Variants in ABL1 observed in about 807,000 individuals in gnomAD.
The protein encoded by ABL1 is tyrosine-protein kinase ABL1.
In ABL1, 11 loss-of-function variants were observed where a neutral mutation model predicts 94.7. The ratio of observed to expected loss-of-function variants is 0.12; its 90% confidence interval spans 0.07 to 0.19. The LOEUF is 0.19. Among genes scored for constraint, ABL1 ranks in the 10% least tolerant of loss-of-function variants. The pLI, the probability that ABL1 is intolerant of heterozygous loss-of-function variation, is 1.00. For missense variants in ABL1, 1,082 were observed against 1,489.4 expected (o/e 0.73, Z 4.50); for synonymous variants, 656 against 622.4 (o/e 1.05, Z -0.80).
upstream of ABL1, among the ~76,000 whole-genome samples, chr9:130,832,281 C>T (rs1008460451): frequency 2.0e-5 from 3 of 151,534 alleles, no homozygotes; most frequent in Non-Finnish European, 4.4e-5. Flanking sequence ...CGCTACCACG[C>T]CCAGCTAATT....
In ABL1 at chr9:130,884,523, A is replaced by G. The variant is rs1248912737; in HGVS notation, c.2233A>G (p.Arg745Gly). 6.2e-7 allele frequency: 1 copy of G among 1,613,240 alleles called. No individual in the cohort carries two copies. Among genetic ancestry groups the G allele is most frequent in the Admixed American group, 1.7e-5 (1 of 60,026 alleles). Residue 745 changes from arginine to glycine, a missense_variant, in exon 11 of 11, where the codon AGA (arginine) becomes GGA (glycine). Physicochemically the swap from Arg to Gly is moderately radical, Grantham distance 125. Transcript: ENST00000318560. The surrounding 1 kb of genome is among the most constrained non-coding windows in gnomAD (Gnocchi z 5.6). ...TLPRDLQSTG[R>G]QFDSSTFGGH... ...GCCTCGGGACTTGCAGTCCACGGGAAGACAGTTTGACTCGTCCACATTTGG... is the reference window on the plus strand; with the variant it reads ...GCCTCGGGACTTGCAGTCCACGGGAGGACAGTTTGACTCGTCCACATTTGG...
chr9:130,750,018 GA>G (rs550022143), intron 1 of ABL1, among the ~76,000 whole-genome samples: 1 of 146,460 alleles, frequency 6.8e-6, no homozygotes, highest in African/African-American at 2.5e-5. Context: ...TACAAAAATT[GA>G]AAAAAAAATA....
chr9:130,875,188 C>A (rs1588278017), intron 7 of ABL1, 136 bp downstream of exon 7: 3 of 987,366 alleles, frequency 3.0e-6, no homozygotes, highest in Non-Finnish European at 4.4e-6. Context: ...GTCACCCAGG[C>A]TGGAGTGCAG....
In ABL1 at chr9:130,885,102, G is replaced by C. The variant is rs772762636; in HGVS notation, c.2812G>C (p.Val938Leu). ...CGCAAAGACAAAAGCCACGAGTCTG[G>C]TTGATGCTGTGAACAGTGACGCTGC... Reference protein sequence around the residue: ...LGAKTKATSLVDAVNSDAAKP... With the variant: ...LGAKTKATSLLDAVNSDAAKP... Residue 938 changes from valine to leucine, a missense_variant, in exon 11 of 11, where the codon GTT becomes CTT. Physicochemically the swap from Val to Leu is conservative, Grantham distance 32. Transcript: ENST00000318560. 7 of 1,611,680 alleles carry C rather than the reference G, an allele frequency of 4.3e-6. No homozygotes were observed. Among genetic ancestry groups the C allele is most frequent in the Non-Finnish European group, 5.9e-6 (7 of 1,179,158 alleles).
intron 1 of ABL1, among the ~76,000 whole-genome samples, chr9:130,852,378 A>G (rs550752077): frequency 9.4e-4 from 142 of 151,762 alleles, no homozygotes; most frequent in Admixed American, 1.6e-3. Flanking sequence ...AGTTTTTTCT[A>G]TTTTAGTAGT....
At chr9:130,851,270 T>G (rs1295306553) in intron 1 of ABL1, among the ~76,000 whole-genome samples, 1 of 152,138 alleles carries the variant, frequency 6.6e-6, no homozygotes, top group African/African-American at 2.4e-5. Context: ...ATGACTAAGC[T>G]TCTTCTACAC....
rs1252211725 is a variant in ABL1 at position 130,744,836 on chromosome 9, G to A, written c.136+30381G>A. Among the ~76,000 whole-genome samples the A allele has an allele frequency of 9.9e-5, 14 of 140,776 alleles. No individual in the cohort carries two copies. The East Asian group carries it at 1.3e-3, about 13-fold the overall frequency. The allele number at this position is 140,776 out of a possible 152,430, so 92.4% of individuals were successfully genotyped here. A position where few individuals can be genotyped will look rare whatever the true frequency, so the allele number is the denominator to read the frequency against. On this transcript the variant is annotated intron_variant, in intron 1 of 10. Coordinates refer to the ABL1 transcript ENST00000372348. ...CGCACCACTGCACTCCAGCCTGGGC[G>A]ACAGAGTGAGACTCCGTCTCAAAAA...
rs1176056149 is a variant in ABL1, at chr9:130,865,259, C to T, written c.822+2224C>T. Among the ~76,000 whole-genome samples the T allele has an allele frequency of 1.3e-5, 2 of 152,168 alleles. 1 individual carries two copies. Among genetic ancestry groups the T allele is most frequent in the Admixed American group, 1.3e-4 (2 of 15,286 alleles). On this transcript the variant is annotated intron_variant, in intron 4 of 10. Coordinates refer to ENST00000318560, the MANE Select transcript of ABL1 (RefSeq NM_005157.6). ...TTGCGTGGATTTCTGTGGGCAGTCA[C>T]CCGGAGTGGTATCTAATTAGGGAAA...
chr9:130,851,985 G>A (rs1170181317), intron 1 of ABL1, among the ~76,000 whole-genome samples: 2 of 151,766 alleles, frequency 1.3e-5, no homozygotes, highest in African/African-American at 4.8e-5. Context: ...TGCCATGTTG[G>A]CCAGGCTGGT....
chr9:130,764,691 C>T (rs553146014), intron 1 of ABL1, among the ~76,000 whole-genome samples: 3 of 152,268 alleles, frequency 2.0e-5, no homozygotes, highest in East Asian at 1.9e-4. Context: ...GGCACAGTGG[C>T]TCATGCCTGT....
intron 1 of ABL1, among the ~76,000 whole-genome samples, chr9:130,847,800 C>T (rs1204201644): frequency 2.0e-5 from 3 of 152,178 alleles, no homozygotes; most frequent in African/African-American, 7.2e-5. Context: ...GAGGCCCTTT[C>T]CTTCCTAACA....
intron 1 of ABL1, among the ~76,000 whole-genome samples, chr9:130,818,333 C>G (rs914112307): frequency 5.3e-5 from 8 of 152,206 alleles, no homozygotes; most frequent in Non-Finnish European, 1.0e-4. Flanking sequence ...AGCCATACAT[C>G]GTGGCGCATG....
At chr9:130,778,720 TGTC>T (rs1429129530) in intron 1 of ABL1, among the ~76,000 whole-genome samples, 1 of 151,584 alleles carries the variant, frequency 6.6e-6, no homozygotes, top group African/African-American at 2.4e-5. Context: ...TTCTCACCAT[TGTC>T]GTGGTTTATA....
chr9:130,885,156 A>C lies in ABL1; in HGVS notation c.2866A>C (p.Lys956Gln), dbSNP rs1464920964. ...AKPSQPGEGL[K>Q]KPVLPATPKP... ...GCCCAGCCAGCCGGGAGAGGGCCTC[A>C]AAAAGCCCGTGCTCCCGGCCACTCC... Residue 956 changes from lysine (K) to glutamine (Q), a missense_variant, in exon 11 of 11, where the codon AAA (lysine) becomes CAA (glutamine). By Grantham distance (53) the Lys-to-Gln change is moderately conservative (BLOSUM62 1). Transcript: ENST00000318560. 6.2e-7 allele frequency: 1 copy of C among 1,613,156 alleles called. No homozygotes were observed. The highest frequency in any genetic ancestry group is 1.1e-5 in the South Asian group (1 of 91,064).
Position 130,740,368 on chromosome 9 carries a change from G to A in ABL1, c.136+25913G>A, listed in dbSNP as rs143718615. On this transcript the variant is annotated intron_variant, in intron 1 of 10. Coordinates refer to the ABL1 transcript ENST00000372348. ...TTCCTCTCCTGGAGAGCCGCTGGGC[G>A]GCAATTGTCATGCTAGGAGGAGGCC... Among the ~76,000 whole-genome samples the A allele has an allele frequency of 8.1e-3, 1,227 of 152,320 alleles. 15 individuals carry two copies. Among genetic ancestry groups the A allele is most frequent in the African/African-American group, 0.027 (1,142 of 41,556 alleles).
intron 1 of ABL1, among the ~76,000 whole-genome samples, chr9:130,757,561 CAG>C (rs1442099566): frequency 2.1e-5 from 2 of 97,500 alleles, no homozygotes; most frequent in East Asian, 3.7e-4. Flanking sequence ...TTTTTTGAGA[CAG>C]AGTCTTGCTC....
At position 130,807,010 on chromosome 9, in the gene ABL1, C is replaced by G. The variant is rs907548841; in HGVS notation, c.137-47054C>G. Among the ~76,000 whole-genome samples, 21 of 151,818 alleles carry G rather than the reference C, an allele frequency of 1.4e-4. 1 individual carries two copies. The highest frequency in any genetic ancestry group is 4.8e-4 in the African/African-American group (20 of 41,342). On this transcript the variant is annotated intron_variant, in intron 1 of 10. Coordinates refer to the ABL1 transcript ENST00000372348. The stretch of plus-strand genomic sequence containing the variant: ...CTAAAAATACAAAAACTTAGCTGGG[C>G]GTAGTGGCGGGCGCCTGTAATCCCA...
intron 1 of ABL1, among the ~76,000 whole-genome samples, chr9:130,799,133 T>C (rs1269091230): frequency 1.3e-5 from 2 of 152,162 alleles, no homozygotes; most frequent in Admixed American, 6.6e-5. Context: ...CATAAAGCTG[T>C]AGGCTAAGTA....
upstream of ABL1, chr9:130,834,101 A>G (rs888903256): frequency 1.3e-5 from 6 of 455,818 alleles, no homozygotes; most frequent in African/African-American, 4.0e-5. Context: ...TTCTCTGAGC[A>G]TCTGTGGGGT....
Sources: allele counts gnomAD v4.1 joint callset (sites outside exome capture counted in the v4.1 genomes callset), GRCh38; gene constraint gnomAD v4.1.1; non-coding constraint Gnocchi (gnomAD v3.1); transcripts MANE v1.5; gene names NCBI Gene and HGNC (gene_info 2026-07-23, HGNC 2026-07-21).